ZNF438: variants seen among roughly 807,000 people sequenced by gnomAD.
ZNF438 encodes the protein zinc finger protein 438.
In ZNF438, 25 loss-of-function variants were observed where a neutral mutation model predicts 38.0. The observed-to-expected ratio is 0.66, with a 90% CI of 0.48 to 0.92. ZNF438 has a LOEUF of 0.92. Among genes scored for constraint, ZNF438 ranks in the 40% least tolerant of loss-of-function variants. The pLI, the probability that ZNF438 is intolerant of heterozygous loss-of-function variation, is 0.00. For missense variants in ZNF438, 1,007 were observed against 999.6 expected (o/e 1.01, Z -0.10); for synonymous variants, 372 against 364.1 (o/e 1.02, Z -0.25).
intron 1 of ZNF438, among the ~76,000 whole-genome samples, chr10:30,981,230 G>C (rs1211762813): frequency 1.3e-5 from 2 of 152,196 alleles, no homozygotes; most frequent in African/African-American, 4.8e-5. Flanking sequence ...TGCAGAATGA[G>C]CCAGAGTAAA....
chr10:31,002,621 C>T (rs1179480229), intron 1 of ZNF438, among the ~76,000 whole-genome samples: 1 of 152,210 alleles, frequency 6.6e-6, no homozygotes, highest in Non-Finnish European at 1.5e-5. Flanking sequence ...TAAACATTCA[C>T]ATACAGGCCA....
intron 1 of ZNF438, among the ~76,000 whole-genome samples, chr10:31,010,484 T>C (rs979641266): frequency 1.3e-5 from 2 of 152,226 alleles, no homozygotes; most frequent in African/African-American, 4.8e-5. Flanking sequence ...TTAAATTTCT[T>C]GATCTTATTT....
intron 1 of ZNF438, among the ~76,000 whole-genome samples, chr10:30,965,636 C>T (rs1045889314): frequency 6.6e-6 from 1 of 152,148 alleles, no homozygotes; most frequent in African/African-American, 2.4e-5. Flanking sequence ...GGCCATTATC[C>T]TAAGTGAATT....
At chr10:30,901,658 G>C (rs149427339) in intron 3 of ZNF438, among the ~76,000 whole-genome samples, 2 of 151,850 alleles carry the variant, frequency 1.3e-5, no homozygotes, top group Non-Finnish European at 2.9e-5. Context: ...AATAGGCGAT[G>C]GTCTCACCGC....
At chr10:30,862,469 G>A (rs1174104264) in intron 4 of ZNF438, among the ~76,000 whole-genome samples, 2 of 151,936 alleles carry the variant, frequency 1.3e-5, no homozygotes, top group African/African-American at 2.4e-5. Context: ...TGTGTGGCTA[G>A]TTTTTAAACA....
intron 3 of ZNF438, among the ~76,000 whole-genome samples, chr10:30,882,536 A>G (rs2039405399): frequency 6.6e-6 from 1 of 152,238 alleles, no homozygotes; most frequent in Non-Finnish European, 1.5e-5. Context: ...GTTGACCTAC[A>G]TCACAATAGA....
At chr10:31,025,955 G>A (rs2056909120) in intron 1 of ZNF438, among the ~76,000 whole-genome samples, 1 of 152,078 alleles carries the variant, frequency 6.6e-6, no homozygotes, top group Non-Finnish European at 1.5e-5. Context: ...GTGATTGCAA[G>A]AAGTAGAATT....
chr10:30,924,555 C>T (rs2044697760), intron 2 of ZNF438, among the ~76,000 whole-genome samples: 1 of 152,170 alleles, frequency 6.6e-6, no homozygotes, highest in African/African-American at 2.4e-5. Flanking sequence ...GCTTTAAGAC[C>T]AGAATGGTCA....
At chr10:30,963,612 G>A (rs1474821236) in intron 1 of ZNF438, among the ~76,000 whole-genome samples, 1 of 151,932 alleles carries the variant, frequency 6.6e-6, no homozygotes, top group African/African-American at 2.4e-5. Flanking sequence ...TGTGGCTCAC[G>A]CCTGTAATCC....
At chr10:30,989,223 A>C (rs931563233) in intron 1 of ZNF438, among the ~76,000 whole-genome samples, 3 of 152,160 alleles carry the variant, frequency 2.0e-5, no homozygotes, top group African/African-American at 4.8e-5. Context: ...AATAAACTCT[A>C]TATCTTTCTC....
At chr10:30,924,904 A>T (rs2135081813) in intron 2 of ZNF438, among the ~76,000 whole-genome samples, 1 of 152,306 alleles carries the variant, frequency 6.6e-6, no homozygotes, top group East Asian at 1.9e-4. Flanking sequence ...TATAAATGTT[A>T]ATTTCTTAGT....
intron 1 of ZNF438, among the ~76,000 whole-genome samples, chr10:30,956,615 G>T (rs901526506): frequency 6.6e-6 from 1 of 152,034 alleles, no homozygotes; most frequent in African/African-American, 2.4e-5. Context: ...ACTTCTATGA[G>T]ATAAACGTTT....
chr10:30,907,645 G>A (rs2042711323), intron 3 of ZNF438, among the ~76,000 whole-genome samples: 1 of 151,966 alleles, frequency 6.6e-6, no homozygotes, highest in Non-Finnish European at 1.5e-5. Context: ...CAAATATTTT[G>A]ACATATAATT....
At chr10:30,926,982 A>G (rs1389557343) in intron 2 of ZNF438, among the ~76,000 whole-genome samples, 1 of 152,244 alleles carries the variant, frequency 6.6e-6, no homozygotes, top group Non-Finnish European at 1.5e-5. Flanking sequence ...GAATAAAAAT[A>G]AGGAAACAAA....
chr10:31,018,937 T>C (rs1225771891), intron 1 of ZNF438, among the ~76,000 whole-genome samples: 1 of 152,212 alleles, frequency 6.6e-6, no homozygotes, highest in African/African-American at 2.4e-5. Flanking sequence ...TTTGCACATA[T>C]CACTTGTGTT....
chr10:31,017,033 A>G (rs2056248947), intron 1 of ZNF438, among the ~76,000 whole-genome samples: 1 of 152,200 alleles, frequency 6.6e-6, no homozygotes, highest in Admixed American at 6.5e-5. Context: ...CAAACTAACA[A>G]AAGAGTATAA....
chr10:31,026,199 A>G (rs1394697119), intron 1 of ZNF438, among the ~76,000 whole-genome samples: 4 of 152,230 alleles, frequency 2.6e-5, no homozygotes, highest in African/African-American at 9.6e-5. Context: ...CATGTCTAAA[A>G]CACCAAAAGC....
intron 1 of ZNF438, among the ~76,000 whole-genome samples, chr10:31,007,276 GTTTTTTTTTTTTTTTTT>G (rs60434764): frequency 8.9e-6 from 1 of 112,388 alleles, no homozygotes; most frequent in Non-Finnish European, 1.8e-5. Context: ...TTTTTTTGGT[GTTTTTTTTTTTTTTTTT>G]TTTTTGGAGA....
At chr10:30,909,598 C>A (rs2042893632) in intron 2 of ZNF438, among the ~76,000 whole-genome samples, 1 of 152,168 alleles carries the variant, frequency 6.6e-6, no homozygotes, top group African/African-American at 2.4e-5. Context: ...ACCTTTGTAT[C>A]ATATGGCCTC....
Sources: allele counts gnomAD v4.1 joint callset (sites outside exome capture counted in the v4.1 genomes callset), GRCh38; gene constraint gnomAD v4.1.1; transcripts MANE v1.5; gene names NCBI Gene and HGNC (gene_info 2026-07-23, HGNC 2026-07-21).